The following ARMH3 variants were observed in gnomAD, a reference collection of about 807,000 sequenced individuals.
ARMH3 encodes armadillo-like helical domain-containing protein 3.
ARMH3 carries 60 observed loss-of-function variants against 99.1 expected under a neutral mutation model. That is an observed-to-expected ratio of 0.61 (90% confidence interval 0.49 to 0.75). The LOEUF (loss-of-function observed/expected upper bound fraction) is 0.75. ARMH3 is among the 30% of genes least tolerant of loss of function. The pLI is 0.00. For missense variants in ARMH3, 679 were observed against 843.1 expected (o/e 0.81, Z 2.41); for synonymous variants, 285 against 292.8 (o/e 0.97, Z 0.27).
At chr10:102,030,167 T>G (rs1445327261) in intron 4 of ARMH3, among the ~76,000 whole-genome samples, 1 of 152,056 alleles carries the variant, frequency 6.6e-6, no homozygotes, top group Admixed American at 6.6e-5. Flanking sequence ...GTGATCCTCC[T>G]GCCTCAGCCT....
intron 12 of ARMH3, among the ~76,000 whole-genome samples, 154 bp from the exon 13 acceptor site, chr10:102,009,603 CAA>C (rs1408399734): frequency 1.3e-5 from 2 of 152,172 alleles, no homozygotes; most frequent in African/African-American, 4.8e-5. Flanking sequence ...TGGGCGTATG[CAA>C]AAGTGTATAG....
chr10:102,023,203 A>T (rs1395839025), intron 8 of ARMH3, among the ~76,000 whole-genome samples: 1 of 151,656 alleles, frequency 6.6e-6, no homozygotes, highest in Non-Finnish European at 1.5e-5. Context: ...AAAAAAAAAA[A>T]AGTTCTTAGG....
intron 20 of ARMH3, among the ~76,000 whole-genome samples, chr10:101,963,878 C>CTTTT (rs1177050739): frequency 7.4e-6 from 1 of 135,698 alleles, no homozygotes; most frequent in East Asian, 2.1e-4. Context: ...CTTTTTCTTT[C>CTTTT]TTTTTTTTTT....
intron 20 of ARMH3, among the ~76,000 whole-genome samples, chr10:101,972,657 G>A (rs1219098531): frequency 1.3e-5 from 2 of 152,158 alleles, no homozygotes; most frequent in African/African-American, 4.8e-5. Context: ...GTTGTGTTTT[G>A]CAGCTTTCCT....
chr10:101,909,674 G>A (rs1842788554), intron 23 of ARMH3, among the ~76,000 whole-genome samples: 1 of 151,826 alleles, frequency 6.6e-6, no homozygotes, highest in South Asian at 2.1e-4. Context: ...TGCCCAAGCT[G>A]GTCTCGAACT....
At chr10:102,041,454 T>C (rs1357353595) in intron 1 of ARMH3, among the ~76,000 whole-genome samples, 1 of 152,124 alleles carries the variant, frequency 6.6e-6, no homozygotes, top group Non-Finnish European at 1.5e-5. Flanking sequence ...TTTTGATCAG[T>C]GACTTTTGGA....
intron 22 of ARMH3, among the ~76,000 whole-genome samples, chr10:101,954,108 CT>C (rs1258686979): frequency 2.6e-5 from 4 of 152,154 alleles, no homozygotes; most frequent in Non-Finnish European, 5.9e-5. Flanking sequence ...GGGAGGATTG[CT>C]TGAGCTCAGG....
At chr10:101,864,401 C>T (rs2066950694) in intron 24 of ARMH3, among the ~76,000 whole-genome samples, 1 of 152,078 alleles carries the variant, frequency 6.6e-6, no homozygotes, top group Admixed American at 6.5e-5. Flanking sequence ...GGGTATATAC[C>T]CAAAGGATTA....
intron 24 of ARMH3, among the ~76,000 whole-genome samples, chr10:101,858,277 G>A (rs1395816742): frequency 2.0e-5 from 3 of 152,202 alleles, no homozygotes; most frequent in African/African-American, 7.2e-5. Flanking sequence ...TTAAGAGCAC[G>A]GCTCTAGAGT....
chr10:101,886,992 A>C (rs2067564609), intron 24 of ARMH3, among the ~76,000 whole-genome samples: 1 of 152,126 alleles, frequency 6.6e-6, no homozygotes, highest in Non-Finnish European at 1.5e-5. Context: ...CAATCCATAA[A>C]ACTAGCTCTT....
intron 23 of ARMH3, among the ~76,000 whole-genome samples, chr10:101,914,425 T>C (rs1469867651): frequency 1.3e-5 from 2 of 148,380 alleles, no homozygotes; most frequent in African/African-American, 5.0e-5. Context: ...GAGGCAGAGG[T>C]TGCAGTGAGC....
intron 24 of ARMH3, among the ~76,000 whole-genome samples, chr10:101,873,658 T>A (rs929004726): frequency 9.2e-5 from 14 of 152,164 alleles, no homozygotes; most frequent in African/African-American, 3.4e-4. Context: ...GCTCCCCACC[T>A]GTAGCCCAAG....
chr10:102,049,474 G>A (rs966049965), intron 1 of ARMH3, among the ~76,000 whole-genome samples: 6 of 152,000 alleles, frequency 3.9e-5, no homozygotes, highest in Admixed American at 1.3e-4. Context: ...CCCAGGAGGC[G>A]GAGGTTGCAG....
chr10:102,049,601 AGATAGG>A (rs2067646079), intron 1 of ARMH3, among the ~76,000 whole-genome samples: 3 of 139,424 alleles, frequency 2.2e-5, no homozygotes, highest in Non-Finnish European at 4.7e-5. Flanking sequence ...TTTTTTTTTG[AGATAGG>A]GTCTCAAGGC....
intron 4 of ARMH3, among the ~76,000 whole-genome samples, chr10:102,031,366 G>A (rs1471201124): frequency 6.6e-6 from 1 of 152,184 alleles, no homozygotes; most frequent in East Asian, 1.9e-4. Context: ...GTAAGTATAA[G>A]CTATTATAAC....
At chr10:101,855,735 A>T (rs967242254) in intron 24 of ARMH3, among the ~76,000 whole-genome samples, 1 of 147,172 alleles carries the variant, frequency 6.8e-6, no homozygotes, top group Non-Finnish European at 1.5e-5. Flanking sequence ...TATATAAAAT[A>T]CATTATATAA....
rs1313305314 is a variant in ARMH3, at chr10:102,003,971, T to TA, written c.1049-1900dup. On this transcript the variant is annotated intron_variant, in intron 14 of 25. Transcript: ENST00000370033. ...AGCCTGTTTTGAAGCTCAGAACCCGTAATCATCCCTTTGTCCAATACAAGG... is the reference window on the plus strand; with the variant it reads ...AGCCTGTTTTGAAGCTCAGAACCCGTAAATCATCCCTTTGTCCAATACAAGG... Among the ~76,000 whole-genome samples, 7 of 152,310 alleles carry TA rather than the reference T, an allele frequency of 4.6e-5. No homozygotes were observed. The East Asian group carries it at 1.2e-3, about 25-fold the overall frequency.
intron 19 of ARMH3, among the ~76,000 whole-genome samples, chr10:101,980,581 G>T (rs1028549240): frequency 1.3e-5 from 2 of 152,142 alleles, no homozygotes; most frequent in African/African-American, 4.8e-5. Context: ...TTACAGGCGG[G>T]AGCCACCGTG....
intron 23 of ARMH3, among the ~76,000 whole-genome samples, chr10:101,904,206 G>C (rs1343848534): frequency 6.6e-6 from 1 of 152,130 alleles, no homozygotes; most frequent in Non-Finnish European, 1.5e-5. Flanking sequence ...TATACATTTG[G>C]GAAGGTCCTC....
Sources: allele counts gnomAD v4.1 joint callset (sites outside exome capture counted in the v4.1 genomes callset), GRCh38; gene constraint gnomAD v4.1.1; transcripts MANE v1.5; gene names NCBI Gene and HGNC (gene_info 2026-07-23, HGNC 2026-07-21).